Variants in PCCA observed in about 807,000 individuals in gnomAD.
PCCA encodes propionyl-CoA carboxylase subunit alpha, also known as propionyl-CoA carboxylase alpha chain, mitochondrial.
A neutral mutation model predicts 101.3 loss-of-function variants in PCCA; 74 were observed. The ratio of observed to expected loss-of-function variants is 0.73; its 90% CI spans 0.61 to 0.89. The LOEUF (loss-of-function observed/expected upper bound fraction) is 0.89. Ranked by LOEUF, PCCA falls within the 40% of genes least tolerant of loss-of-function variation. PCCA has a pLI of 0.00. For synonymous variants in PCCA, 294 were observed against 313.6 expected, an observed-to-expected ratio of 0.94 and a Z score of 0.66; for missense variants, 891 against 907.0, an observed-to-expected ratio of 0.98 and a Z score of 0.23.
At chr13:100,400,400 C>T (rs1172331410) in intron 19 of PCCA, among the ~76,000 whole-genome samples, 1 of 151,992 alleles carries the variant, frequency 6.6e-6, no homozygotes, top group Non-Finnish European at 1.5e-5. Flanking sequence ...ACAAGCTGTT[C>T]TGTGCGCTTA....
intron 4 of PCCA, among the ~76,000 whole-genome samples, chr13:100,136,895 T>C (rs1297882870): frequency 6.6e-6 from 1 of 152,062 alleles, no homozygotes; most frequent in African/African-American, 2.4e-5. Flanking sequence ...TTAAAAATTA[T>C]TGATATCTCC....
At chr13:100,150,614 C>T (rs1477700513) in intron 4 of PCCA, 7 of 1,215,494 alleles carry the variant, frequency 5.8e-6, no homozygotes, top group Non-Finnish European at 8.4e-6. Flanking sequence ...TCAGCCCACA[C>T]ATCTCCCTGT....
intron 9 of PCCA, among the ~76,000 whole-genome samples, chr13:100,259,794 T>C (rs2062357545): frequency 6.6e-6 from 1 of 152,190 alleles, no homozygotes; most frequent in African/African-American, 2.4e-5. Flanking sequence ...ATATCCCCAC[T>C]AAGACTTTTG....
chr13:100,298,458 A>AT (rs1229933184), intron 12 of PCCA, among the ~76,000 whole-genome samples: 2 of 152,182 alleles, frequency 1.3e-5, no homozygotes, highest in East Asian at 3.9e-4. Flanking sequence ...ACAGATGCAT[A>AT]TTAGCATCAG....
At chr13:100,478,393 C>A (rs1453039025) in intron 21 of PCCA, among the ~76,000 whole-genome samples, 1 of 152,200 alleles carries the variant, frequency 6.6e-6, no homozygotes, top group Non-Finnish European at 1.5e-5. Flanking sequence ...TGTCCTTTCC[C>A]TCCCACTCTG....
At chr13:100,286,682 T>G (rs1026138083) in intron 12 of PCCA, among the ~76,000 whole-genome samples, 2 of 152,146 alleles carry the variant, frequency 1.3e-5, no homozygotes, top group African/African-American at 4.8e-5. Flanking sequence ...TTAGTTGTTT[T>G]GCTTGATTTT....
chr13:100,179,028 G>A (rs112767458), intron 6 of PCCA, among the ~76,000 whole-genome samples: 5 of 149,606 alleles, frequency 3.3e-5, no homozygotes, highest in African/African-American at 1.2e-4. Flanking sequence ...AGTGAGCCGA[G>A]ATCGTGCCAC....
intron 4 of PCCA, among the ~76,000 whole-genome samples, chr13:100,143,413 T>G (rs2052133049): frequency 6.6e-6 from 1 of 151,846 alleles, no homozygotes; most frequent in Non-Finnish European, 1.5e-5. Flanking sequence ...TGCACGCCTG[T>G]AGTCCCAGCT....
chr13:100,119,636 G>C (rs907008915), intron 4 of PCCA, among the ~76,000 whole-genome samples: 5 of 151,882 alleles, frequency 3.3e-5, no homozygotes, highest in Non-Finnish European at 7.4e-5. Flanking sequence ...ACGAGCATAG[G>C]GTTTATCCTC....
intron 12 of PCCA, among the ~76,000 whole-genome samples, chr13:100,283,791 A>G (rs1187750532): frequency 2.0e-5 from 3 of 152,134 alleles, no homozygotes; most frequent in Non-Finnish European, 4.4e-5. Context: ...GAGCAGGCCA[A>G]TCACCTGGTA....
In PCCA at chr13:100,442,021, T is replaced by A. The variant is rs371659531; in HGVS notation, c.1846-7231T>A. On this transcript the variant is annotated intron_variant, in intron 20 of 23. Coordinates refer to ENST00000376285, the MANE Select transcript of PCCA (RefSeq NM_000282.4). Reference sequence around the variant, plus strand: ...TTTTTTTTTTATTTTTGAGACAGAGTCTTGCTCTGTCACTCAGGCTGTAGT... The same window carrying A: ...TTTTTTTTTTATTTTTGAGACAGAGACTTGCTCTGTCACTCAGGCTGTAGT... Among the ~76,000 whole-genome samples, 14 of 149,958 alleles carry A rather than the reference T, an allele frequency of 9.3e-5. No homozygotes were observed. In the South Asian group the frequency reaches 2.9e-3, roughly 31 times the overall value.
intron 14 of PCCA, among the ~76,000 whole-genome samples, chr13:100,303,735 G>T (rs530870109): frequency 2.6e-5 from 4 of 152,106 alleles, no homozygotes; most frequent in Admixed American, 2.6e-4. Context: ...ATTACAGGAA[G>T]AATTCTAAAT....
intron 8 of PCCA, among the ~76,000 whole-genome samples, chr13:100,254,069 G>A: frequency 6.6e-6 from 1 of 152,074 alleles, no homozygotes; most frequent in Non-Finnish European, 1.5e-5. Flanking sequence ...GGTGGACGGT[G>A]AATTAAGAGC....
intron 19 of PCCA, among the ~76,000 whole-genome samples, chr13:100,386,223 G>C (rs767863445): frequency 6.6e-6 from 1 of 152,116 alleles, no homozygotes; most frequent in South Asian, 2.1e-4. Flanking sequence ...CCCTGCTATT[G>C]GTTTAAGGAA....
intron 20 of PCCA, among the ~76,000 whole-genome samples, chr13:100,429,128 G>A (rs1050636317): frequency 6.6e-6 from 1 of 152,038 alleles, no homozygotes; most frequent in Non-Finnish European, 1.5e-5. Context: ...GGATCTGCAA[G>A]CGTGACAGGA....
intron 22 of PCCA, among the ~76,000 whole-genome samples, chr13:100,522,529 G>A (rs1260743913): frequency 1.3e-5 from 2 of 152,140 alleles, no homozygotes; most frequent in Non-Finnish European, 2.9e-5. Context: ...GGGCGGGGCG[G>A]CTCGATGCTG....
intron 12 of PCCA, among the ~76,000 whole-genome samples, chr13:100,277,507 A>G (rs980312726): frequency 1.3e-5 from 2 of 152,096 alleles, no homozygotes; most frequent in African/African-American, 2.4e-5. Flanking sequence ...CTAGTCCCCA[A>G]TAAGCCCAAG....
intron 8 of PCCA, among the ~76,000 whole-genome samples, chr13:100,242,586 A>G (rs2061206641): frequency 6.6e-6 from 1 of 152,190 alleles, no homozygotes; most frequent in Admixed American, 6.5e-5. Flanking sequence ...TAACAATATA[A>G]GGCACATTTT....
intron 11 of PCCA, among the ~76,000 whole-genome samples, chr13:100,270,659 T>C (rs1428148763): frequency 1.4e-4 from 22 of 152,206 alleles, no homozygotes; most frequent in Non-Finnish European, 1.5e-5. Context: ...TGACCTGATA[T>C]GTATTTGTAC....
Sources: allele counts gnomAD v4.1 joint callset (sites outside exome capture counted in the v4.1 genomes callset), GRCh38; gene constraint gnomAD v4.1.1; transcripts MANE v1.5; gene names NCBI Gene and HGNC (gene_info 2026-07-23, HGNC 2026-07-21).